The following PRELID2 variants were observed in gnomAD, a reference collection of about 807,000 sequenced individuals.
The protein encoded by PRELID2 is PRELI domain containing 2.
Under a neutral mutation model 28.4 loss-of-function variants are expected in PRELID2, and 25 were observed. The observed-to-expected ratio is 0.88, with a 90% CI of 0.64 to 1.23. PRELID2 has a LOEUF of 1.23. PRELID2 is among the 50% of genes most tolerant of loss of function. The probability of loss-of-function intolerance (pLI) is 0.00; values close to 1 mark genes in which losing one functional copy is unlikely to be tolerated. For missense variants in PRELID2, 201 were observed against 214.4 expected, an observed-to-expected ratio of 0.94 and a Z score of 0.39; for synonymous variants, 76 against 71.6, an observed-to-expected ratio of 1.06 and a Z score of -0.31.
rs149510068 is a variant in PRELID2 at position 145,647,326 on chromosome 5, A to C, written n.70+117605T>G. On this transcript the variant is annotated intron_variant and non_coding_transcript_variant, in intron 1 of 2. Coordinates refer to the PRELID2 transcript ENST00000510259. Reference sequence around the variant, plus strand: ...TTTGTTTATTTACATTATGAGAGTAAAACCGCCTACTCAAGCCTCAGCAAT... The same window carrying C: ...TTTGTTTATTTACATTATGAGAGTACAACCGCCTACTCAAGCCTCAGCAAT... 9.8e-3 allele frequency among the ~76,000 whole-genome samples: 1,496 copies of C among 152,110 alleles called. 24 individuals are homozygous for C. Among genetic ancestry groups the C allele is most frequent in the African/African-American group, 0.033 (1,379 of 41,504 alleles).
intron 1 of PRELID2, among the ~76,000 whole-genome samples, chr5:145,595,161 GAC>G (rs3038287): frequency 0.022 from 2,873 of 131,156 alleles, 65 homozygotes; most frequent in African/African-American, 0.049. Context: ...AGTCATAATA[GAC>G]ACACACACAC....
At chr5:145,421,938 G>C in the PRELID2 span, among the ~76,000 whole-genome samples, 142 of 152,004 alleles carry the variant, frequency 9.3e-4, no homozygotes, top group Admixed American at 1.4e-3. Flanking sequence ...TTGTGTCTTT[G>C]TTCTCCTTCG....
At chr5:145,751,860 T>C (rs1277439964), downstream of PRELID2, among the ~76,000 whole-genome samples, 1 of 152,134 alleles carries the variant, frequency 6.6e-6, no homozygotes, top group Non-Finnish European at 1.5e-5. Flanking sequence ...CGGGTGCCTG[T>C]AATCCCAGCT....
chr5:145,580,443 G>A (rs17103444), intron 1 of PRELID2, among the ~76,000 whole-genome samples: 10,620 of 152,040 alleles, frequency 0.07, 558 homozygotes, highest in Admixed American at 0.18. Context: ...TCTGGATCAT[G>A]ATTTTTCTAT....
chr5:145,346,777 C>A, the PRELID2 span, among the ~76,000 whole-genome samples: 1 of 152,124 alleles, frequency 6.6e-6, no homozygotes, highest in African/African-American at 2.4e-5. Flanking sequence ...ATTTTAGCCT[C>A]AAAGCATTGA....
At chr5:145,452,657 A>G in the PRELID2 span, among the ~76,000 whole-genome samples, 5 of 152,126 alleles carry the variant, frequency 3.3e-5, no homozygotes, top group Non-Finnish European at 7.3e-5. Context: ...GTCTGTGTGT[A>G]TCTTTTTAAC....
chr5:145,693,474 A>AT (rs1406741553), intron 1 of PRELID2, among the ~76,000 whole-genome samples: 1 of 152,048 alleles, frequency 6.6e-6, no homozygotes, highest in Admixed American at 6.6e-5. Context: ...ATTAAAAAAA[A>AT]AATAGACAAA....
At chr5:145,490,115 C>T (rs1752255971) in intron 1 of PRELID2, among the ~76,000 whole-genome samples, 1 of 152,146 alleles carries the variant, frequency 6.6e-6, no homozygotes, top group African/African-American at 2.4e-5. Flanking sequence ...ATCACACCTC[C>T]ATATAGAAGA....
At chr5:145,493,379 T>G (rs1752284395) in intron 1 of PRELID2, among the ~76,000 whole-genome samples, 1 of 152,194 alleles carries the variant, frequency 6.6e-6, no homozygotes, top group Non-Finnish European at 1.5e-5. Context: ...TTTGCTCATC[T>G]AAATGGCTTT....
chr5:145,821,057 G>A (rs780747385), intron 2 of PRELID2, among the ~76,000 whole-genome samples: 3 of 151,948 alleles, frequency 2.0e-5, no homozygotes, highest in Non-Finnish European at 4.4e-5. Flanking sequence ...TATTAGAAGC[G>A]TGCCTTTGCC....
chr5:145,492,588 T>C lies in PRELID2; in HGVS notation n.71-19273A>G, dbSNP rs535164493. ...TTTTGAGGTTATATCCAAAAATTCA[T>C]TGCCTAGGTCAATGTCATAGAGCTT... On this transcript the variant is annotated intron_variant and non_coding_transcript_variant, in intron 1 of 2. Coordinates refer to the PRELID2 transcript ENST00000510259. Among the ~76,000 whole-genome samples the C allele has an allele frequency of 2.1e-5, 3 of 141,956 alleles. 1 individual carries two copies. The highest frequency in any genetic ancestry group is 5.2e-4 in the South Asian group (2 of 3,822). The allele number at this position is 141,956 out of a possible 152,430, so 93.1% of individuals were successfully genotyped here.
At chr5:145,771,264 C>A (rs1279819170) in intron 5 of PRELID2, among the ~76,000 whole-genome samples, 1 of 152,066 alleles carries the variant, frequency 6.6e-6, no homozygotes, top group African/African-American at 2.4e-5. Context: ...AGCCTAGGAA[C>A]AACTGGCTGT....
chr5:145,635,839 G>T (rs961741116), intron 1 of PRELID2, among the ~76,000 whole-genome samples: 1 of 152,094 alleles, frequency 6.6e-6, no homozygotes, highest in Non-Finnish European at 1.5e-5. Flanking sequence ...TACTCCCTAG[G>T]GCATATCCAT....
At position 145,757,499 on chromosome 5, in the gene PRELID2, G is replaced by T. The variant is rs146443574; in HGVS notation, c.*3037C>A. Among the ~76,000 whole-genome samples, 991 of 152,240 alleles carry T rather than the reference G, an allele frequency of 6.5e-3. 13 individuals carry two copies. The highest frequency in any genetic ancestry group is 0.022 in the African/African-American group (923 of 41,538). On this transcript the variant is annotated 3_prime_UTR_variant, in exon 7 of 7. Transcript: ENST00000683046. ...TCGCCTTGAAGACAGGAGGAGACTGGCCAGGTCTGTGAATTAACCCTTTCC... is the reference window on the plus strand; with the variant it reads ...TCGCCTTGAAGACAGGAGGAGACTGTCCAGGTCTGTGAATTAACCCTTTCC...
At chr5:145,591,450 T>C (rs959450906) in intron 1 of PRELID2, among the ~76,000 whole-genome samples, 2 of 152,146 alleles carry the variant, frequency 1.3e-5, no homozygotes, top group African/African-American at 4.8e-5. Context: ...GACCATTTCA[T>C]AGTACAAAAG....
At chr5:145,802,985 G>T (rs928913008) in intron 4 of PRELID2, among the ~76,000 whole-genome samples, 1 of 152,134 alleles carries the variant, frequency 6.6e-6, no homozygotes, top group South Asian at 2.1e-4. Flanking sequence ...TTGAATTATT[G>T]ACTGGTTAGG....
At chr5:145,400,556 C>T in the PRELID2 span, among the ~76,000 whole-genome samples, 5 of 152,176 alleles carry the variant, frequency 3.3e-5, no homozygotes, top group Admixed American at 2.6e-4. Flanking sequence ...AACACGATGT[C>T]GAATGACTAA....
At chr5:145,260,808 A>C in the PRELID2 span, among the ~76,000 whole-genome samples, 1 of 152,208 alleles carries the variant, frequency 6.6e-6, no homozygotes, top group East Asian at 1.9e-4. Flanking sequence ...ATGCCAAGAG[A>C]ATCTACAGAC....
intron 1 of PRELID2, among the ~76,000 whole-genome samples, chr5:145,722,641 G>C (rs1250132463): frequency 6.6e-6 from 1 of 152,056 alleles, no homozygotes; most frequent in East Asian, 1.9e-4. Context: ...TGGGACTACA[G>C]GCACAGCACT....
Sources: allele counts gnomAD v4.1 joint callset (sites outside exome capture counted in the v4.1 genomes callset), GRCh38; gene constraint gnomAD v4.1.1; transcripts MANE v1.5; gene names NCBI Gene and HGNC (gene_info 2026-07-23, HGNC 2026-07-21).